DTHD1: variants seen among roughly 807,000 people sequenced by gnomAD.
DTHD1 encodes death domain containing 1, also known as death domain-containing protein 1.
DTHD1 carries 59 observed loss-of-function variants against 74.8 expected under a neutral mutation model. The observed-to-expected ratio is 0.79, with a 90% CI of 0.64 to 0.98. The LOEUF is 0.98. Among genes scored for constraint, DTHD1 ranks in the 50% least tolerant of loss-of-function variants. DTHD1 has a pLI of 0.00. For missense variants in DTHD1, 1,051 were observed against 1,065.4 expected, an observed-to-expected ratio of 0.99 and a Z score of 0.19; for synonymous variants, 365 against 371.1, an observed-to-expected ratio of 0.98 and a Z score of 0.19.
At chr4:36,282,150 C>T (rs1384872534) in intron 1 of DTHD1, 121 bp downstream of exon 1, 1 of 814,338 alleles carries the variant, frequency 1.2e-6, no homozygotes, top group Non-Finnish European at 1.7e-6. Flanking sequence ...AAGAGACTAA[C>T]AATTTCAAAG....
At chr4:36,283,287 A>C (rs1474035018) in intron 1 of DTHD1, among the ~76,000 whole-genome samples, 1 of 152,240 alleles carries the variant, frequency 6.6e-6, no homozygotes, top group Non-Finnish European at 1.5e-5. Flanking sequence ...CTAAGAGTTT[A>C]CTTCAGAGTG....
chr4:36,287,347 T>C (rs1755772501), intron 2 of DTHD1, among the ~76,000 whole-genome samples: 2 of 152,234 alleles, frequency 1.3e-5, no homozygotes, highest in African/African-American at 2.4e-5. Context: ...CAGGGCATGA[T>C]ATAAATATGT....
Position 36,284,042 on chromosome 4 carries a change from T to C in DTHD1, c.338T>C (p.Leu113Pro), listed in dbSNP as rs1755550046. The C allele has an allele frequency of 1.3e-6, 2 of 1,537,192 alleles. No homozygotes were observed. The highest frequency in any genetic ancestry group is 2.0e-5 in the Admixed American group (1 of 50,996). ...TEHLGSTAAL[L>P]KKEEKEICNL... ...CATTTGGGGAGCACTGCTGCACTTC[T>C]AAAGAAAGAAGAAAAGGAGATTTGT... Residue 113 changes from leucine (L) to proline (P), a missense_variant, in exon 2 of 10, where the codon CTA (leucine) becomes CCA (proline). By Grantham distance (98) the Leu-to-Pro change is moderately conservative. Transcript: ENST00000639862.
intron 2 of DTHD1, among the ~76,000 whole-genome samples, chr4:36,289,847 A>C (rs1755951095): frequency 1.3e-5 from 2 of 152,060 alleles, no homozygotes; most frequent in African/African-American, 4.8e-5. Flanking sequence ...TGATAAATTT[A>C]CAGTTCTTTT....
At chr4:36,289,584 T>C (rs1755930850) in intron 2 of DTHD1, among the ~76,000 whole-genome samples, 1 of 152,132 alleles carries the variant, frequency 6.6e-6, no homozygotes, top group African/African-American at 2.4e-5. Context: ...CCTAATACAA[T>C]AGTTGTGAGA....
chr4:36,294,062 AC>A (rs1375772550), intron 4 of DTHD1, among the ~76,000 whole-genome samples: 6 of 151,986 alleles, frequency 3.9e-5, no homozygotes. Flanking sequence ...AGCGAGGATG[AC>A]AAAAAAGAGG....
At chr4:36,322,783 G>A (rs1758115337) in intron 8 of DTHD1, among the ~76,000 whole-genome samples, 1 of 152,180 alleles carries the variant, frequency 6.6e-6, no homozygotes, top group Non-Finnish European at 1.5e-5. Context: ...CTGAAGTTGT[G>A]CCTCAGCCTT....
Position 36,293,680 on chromosome 4 carries a change from C to G in DTHD1, c.1373C>G (p.Thr458Ser). ...TTAAATTACCCTCCAGGAGTTTTTACCTCTCCAGTGCTGGTGCAGTTAAAG... is the reference window on the plus strand; with the variant it reads ...TTAAATTACCCTCCAGGAGTTTTTAGCTCTCCAGTGCTGGTGCAGTTAAAG... ...ISLNYPPGVF[T>S]SPVLVQLKIQ... Residue 458 changes from threonine to serine, a missense_variant, in exon 4 of 10, where the codon ACC (threonine) becomes AGC (serine). Physicochemically the swap from Thr to Ser is moderately conservative, Grantham distance 58. Coordinates refer to ENST00000639862, the MANE Select transcript of DTHD1 (RefSeq NM_001170700.3). 6.6e-7 allele frequency: 1 copy of G among 1,520,384 alleles called. No individual in the cohort carries two copies. Among genetic ancestry groups the G allele is most frequent in the Non-Finnish European group, 8.9e-7 (1 of 1,127,586 alleles). 94.2% of individuals were successfully genotyped at this position (1,520,384 alleles called of 1,614,324 possible).
At chr4:36,317,783 T>C (rs1467762202) in intron 8 of DTHD1, among the ~76,000 whole-genome samples, 1 of 152,234 alleles carries the variant, frequency 6.6e-6, no homozygotes, top group Non-Finnish European at 1.5e-5. Flanking sequence ...TAGTTGGTAC[T>C]AGATGGTACT....
intron 7 of DTHD1, among the ~76,000 whole-genome samples, chr4:36,313,663 C>T (rs1757529954): frequency 6.6e-6 from 1 of 152,090 alleles, no homozygotes; most frequent in Non-Finnish European, 1.5e-5. Context: ...TAGAGAGTTG[C>T]CCTAGAGGTC....
intron 8 of DTHD1, among the ~76,000 whole-genome samples, chr4:36,327,483 A>G (rs1279151796): frequency 6.6e-6 from 1 of 152,200 alleles, no homozygotes; most frequent in Non-Finnish European, 1.5e-5. Flanking sequence ...TTAAGAAGTA[A>G]TAGCGTCTTC....
chr4:36,293,220 A>T (rs978287244), intron 3 of DTHD1, among the ~76,000 whole-genome samples: 1 of 152,222 alleles, frequency 6.6e-6, no homozygotes, highest in Non-Finnish European at 1.5e-5. Context: ...TCTAGGAACA[A>T]TCATATTTGT....
chr4:36,314,112 T>A (rs1211462117), intron 7 of DTHD1, among the ~76,000 whole-genome samples: 5 of 118,434 alleles, frequency 4.2e-5, no homozygotes, highest in African/African-American at 3.0e-4. Flanking sequence ...AGGTTGCCTC[T>A]CAAATATAAA....
intron 6 of DTHD1, 45 bp from the exon 7 acceptor site, chr4:36,308,159 G>C (rs1322803764): frequency 1.3e-6 from 2 of 1,520,812 alleles, no homozygotes; most frequent in Non-Finnish European, 1.8e-6. Context: ...TGATGTTCTT[G>C]ACACTGCATT....
intron 8 of DTHD1, among the ~76,000 whole-genome samples, chr4:36,324,659 G>C (rs184976242): frequency 9.3e-4 from 142 of 152,200 alleles, no homozygotes; most frequent in Non-Finnish European, 6.2e-4. Context: ...AGGCCTAAAA[G>C]TGATAATAAT....
At chr4:36,323,792 A>G (rs892060051) in intron 8 of DTHD1, among the ~76,000 whole-genome samples, 2 of 152,138 alleles carry the variant, frequency 1.3e-5, no homozygotes, top group Non-Finnish European at 2.9e-5. Context: ...CCTATCAATT[A>G]CAGAAGAAAG....
In DTHD1 at chr4:36,290,555, G is replaced by C; in HGVS notation, c.1070G>C (p.Arg357Thr). ...ATTGAATGCTCAGATAAGGAAAAGA[G>C]AGTTCCATTTCCAATAGGCATTGCA... is the stretch of plus-strand genomic sequence containing the variant. ...ITIECSDKEK[R>T]VPFPIGIAIP... is the part of the protein sequence containing the mutation. The change falls in exon 3 of 10, where the codon AGA becomes ACA. Residue 357 changes from arginine to threonine, a missense_variant. Arg to Thr is a moderately conservative substitution (Grantham distance 71). Transcript: ENST00000639862. 1 of 1,551,612 alleles carries C rather than the reference G, an allele frequency of 6.4e-7. No individual in the cohort carries two copies. The highest frequency in any genetic ancestry group is 8.7e-7 in the Non-Finnish European group (1 of 1,146,982).
At chr4:36,315,939 T>G in intron 7 of DTHD1, 1 of 170,454 alleles carries the variant, frequency 5.9e-6, no homozygotes, top group Non-Finnish European at 1.3e-5. Context: ...GCACATCTTT[T>G]TCGTTTGTTT....
chr4:36,283,149 A>G (rs1755495298), intron 1 of DTHD1, among the ~76,000 whole-genome samples: 1 of 152,238 alleles, frequency 6.6e-6, no homozygotes, highest in Admixed American at 6.5e-5. Context: ...TGAATTCTAA[A>G]GACTAGAGAG....
Sources: allele counts gnomAD v4.1 joint callset (sites outside exome capture counted in the v4.1 genomes callset), GRCh38; gene constraint gnomAD v4.1.1; transcripts MANE v1.5; gene names NCBI Gene and HGNC (gene_info 2026-07-23, HGNC 2026-07-21).